The following CTNND2 variants were observed in gnomAD, a reference collection of about 807,000 sequenced individuals.
CTNND2 encodes catenin delta-2.
In CTNND2, 22 loss-of-function variants were observed where a neutral mutation model predicts 144.4. The observed-to-expected ratio is 0.15, with a 90% CI of 0.11 to 0.22. CTNND2 has a LOEUF of 0.22. Ranked by LOEUF, CTNND2 falls within the 10% of genes least tolerant of loss-of-function variation. The pLI, the probability that CTNND2 is intolerant of heterozygous loss-of-function variation, is 1.00. For synonymous variants in CTNND2, 751 were observed against 695.6 expected, an observed-to-expected ratio of 1.08 and a Z score of -1.25; for missense variants, 1,353 against 1,618.8, an observed-to-expected ratio of 0.84 and a Z score of 2.82.
chr5:11,677,298 G>A (rs1415621509), intron 2 of CTNND2, among the ~76,000 whole-genome samples: 1 of 152,196 alleles, frequency 6.6e-6, no homozygotes, highest in East Asian at 1.9e-4. Flanking sequence ...ACACTGAGCT[G>A]TAACCAATCA....
intron 1 of CTNND2, among the ~76,000 whole-genome samples, chr5:11,758,558 A>C (rs1358035276): frequency 1.3e-5 from 2 of 151,980 alleles, no homozygotes; most frequent in African/African-American, 4.8e-5. Flanking sequence ...ATGTGTTGTG[A>C]AGTCAGTTAT....
intron 15 of CTNND2, among the ~76,000 whole-genome samples, chr5:11,097,054 C>G (rs1474944260): frequency 6.6e-6 from 1 of 152,144 alleles, no homozygotes; most frequent in Non-Finnish European, 1.5e-5. Flanking sequence ...AGCGTTGTGA[C>G]TGATGTGCAT....
intron 3 of CTNND2, among the ~76,000 whole-genome samples, chr5:11,476,399 C>T (rs1020793341): frequency 6.6e-6 from 1 of 152,066 alleles, no homozygotes; most frequent in African/African-American, 2.4e-5. Flanking sequence ...AGTAACAATG[C>T]AAGATAGGTA....
At chr5:11,304,306 C>G (rs1749934760) in intron 9 of CTNND2, among the ~76,000 whole-genome samples, 1 of 149,880 alleles carries the variant, frequency 6.7e-6, no homozygotes, top group Non-Finnish European at 1.5e-5. Context: ...AAATGCATTA[C>G]ACACGGACAC....
intron 16 of CTNND2, among the ~76,000 whole-genome samples, chr5:11,035,904 A>G (rs1466165759): frequency 6.6e-6 from 1 of 151,540 alleles, no homozygotes; most frequent in Non-Finnish European, 1.5e-5. Flanking sequence ...AAGTTTGTGT[A>G]ATTTTGATGA....
At chr5:11,184,028 T>C (rs1189580636) in intron 11 of CTNND2, among the ~76,000 whole-genome samples, 1 of 152,228 alleles carries the variant, frequency 6.6e-6, no homozygotes, top group African/African-American at 2.4e-5. Context: ...AGGCAAAGAC[T>C]GAAACATAAC....
chr5:11,551,439 T>TC (rs942218448), intron 3 of CTNND2, among the ~76,000 whole-genome samples: 1 of 88,246 alleles, frequency 1.1e-5, no homozygotes, highest in African/African-American at 7.0e-5. Flanking sequence ...TTTCTTTTTT[T>TC]TTTTTTTTTT....
At chr5:11,091,412 C>T (rs890601570) in intron 15 of CTNND2, among the ~76,000 whole-genome samples, 1 of 152,120 alleles carries the variant, frequency 6.6e-6, no homozygotes, top group Non-Finnish European at 1.5e-5. Flanking sequence ...ATAATAATTG[C>T]TTATTTGATA....
At chr5:11,421,934 T>C (rs756604407) in intron 3 of CTNND2, among the ~76,000 whole-genome samples, 1 of 152,202 alleles carries the variant, frequency 6.6e-6, no homozygotes, top group African/African-American at 2.4e-5. Flanking sequence ...ATTTTTCCCA[T>C]AGTGATTGTA....
chr5:11,572,194 A>G (rs1777616796), intron 2 of CTNND2, among the ~76,000 whole-genome samples: 1 of 151,946 alleles, frequency 6.6e-6, no homozygotes. Flanking sequence ...CATCTGCTGA[A>G]CCCCTGAGCT....
chr5:11,678,394 C>A (rs1784272974), intron 2 of CTNND2, among the ~76,000 whole-genome samples: 1 of 152,094 alleles, frequency 6.6e-6, no homozygotes, highest in South Asian at 2.1e-4. Context: ...GAGCTCTAGA[C>A]CTGCTGAGTC....
At chr5:11,589,222 T>A (rs971394309) in intron 2 of CTNND2, among the ~76,000 whole-genome samples, 4 of 151,964 alleles carry the variant, frequency 2.6e-5, no homozygotes, top group African/African-American at 9.7e-5. Context: ...AGTTTTCTAA[T>A]CTTCCGTTCC....
chr5:11,139,024 G>T (rs540502844), intron 12 of CTNND2, among the ~76,000 whole-genome samples: 1 of 151,098 alleles, frequency 6.6e-6, no homozygotes, highest in Non-Finnish European at 1.5e-5. Flanking sequence ...AAAATGGCAC[G>T]ATCTTGGCTC....
intron 1 of CTNND2, among the ~76,000 whole-genome samples, chr5:11,877,083 G>C (rs1005998179): frequency 3.3e-5 from 5 of 152,052 alleles, no homozygotes; most frequent in Non-Finnish European, 5.9e-5. Flanking sequence ...TTTTATTTTT[G>C]TGTCAGAAAT....
At chr5:11,657,598 T>G (rs767889000) in intron 2 of CTNND2, among the ~76,000 whole-genome samples, 1 of 152,170 alleles carries the variant, frequency 6.6e-6, no homozygotes, top group Non-Finnish European at 1.5e-5. Flanking sequence ...GCTAGTTAAT[T>G]CTGACCATTA....
intron 1 of CTNND2, among the ~76,000 whole-genome samples, chr5:11,783,707 G>A (rs1403856253): frequency 6.6e-6 from 1 of 152,170 alleles, no homozygotes; most frequent in Admixed American, 6.5e-5. Context: ...TGCAATGGAG[G>A]AGAAACTTCT....
At chr5:11,754,308 T>A (rs1159161236) in intron 1 of CTNND2, among the ~76,000 whole-genome samples, 1 of 151,640 alleles carries the variant, frequency 6.6e-6, no homozygotes, top group African/African-American at 2.4e-5. Flanking sequence ...TATGTGGGCA[T>A]ATAGTGTTAT....
intron 1 of CTNND2, among the ~76,000 whole-genome samples, chr5:11,753,100 G>C (rs1383939523): frequency 6.6e-6 from 1 of 151,734 alleles, no homozygotes; most frequent in Admixed American, 6.6e-5. Context: ...GGGTTTTCTA[G>C]GTATAGAATC....
intron 2 of CTNND2, among the ~76,000 whole-genome samples, chr5:11,608,813 T>C (rs78248764): frequency 0.013 from 2,001 of 152,334 alleles, 41 homozygotes; most frequent in African/African-American, 0.045. Flanking sequence ...TTGCCTAAAA[T>C]GTTCAAATGC....
Sources: gnomAD v4.1 joint callset for allele counts (sites outside exome capture counted in the v4.1 genomes callset) on GRCh38, gnomAD v4.1.1 for gene constraint, MANE v1.5 for transcripts, NCBI Gene and HGNC (gene_info 2026-07-23, HGNC 2026-07-21) for gene names.